NRIP1: variants seen among roughly 807,000 people sequenced by gnomAD.
NRIP1 encodes the protein nuclear receptor-interacting protein 1.
Under a neutral mutation model 75.0 loss-of-function variants are expected in NRIP1, and 28 were observed. That is an observed-to-expected ratio of 0.37 (90% CI 0.28 to 0.51). The LOEUF (loss-of-function observed/expected upper bound fraction) is 0.51, where lower values mean the gene tolerates loss of function less well. Ranked by LOEUF, NRIP1 falls within the 20% of genes least tolerant of loss-of-function variation. The pLI is 0.92. For missense variants in NRIP1, 1,435 were observed against 1,343.7 expected (o/e 1.07, Z -1.06); for synonymous variants, 526 against 487.6 (o/e 1.08, Z -1.04).
chr21:15,003,862 G>T (rs1026405812), intron 3 of NRIP1, among the ~76,000 whole-genome samples: 1 of 152,160 alleles, frequency 6.6e-6, no homozygotes, highest in Admixed American at 6.5e-5. Flanking sequence ...ACAAATCGAT[G>T]AATTAGGACA....
At chr21:14,979,805 C>T (rs969828206) in intron 3 of NRIP1, among the ~76,000 whole-genome samples, 15 of 152,070 alleles carry the variant, frequency 9.9e-5, no homozygotes, top group African/African-American at 3.4e-4. Context: ...TGAGCCACTG[C>T]ACCCGGCCAG....
chr21:14,972,647 G>C (rs551647932), intron 3 of NRIP1, among the ~76,000 whole-genome samples: 1 of 152,244 alleles, frequency 6.6e-6, no homozygotes, highest in Non-Finnish European at 1.5e-5. Flanking sequence ...TTAATAATTA[G>C]GTTTCTTTAG....
At chr21:15,035,632 C>T (rs1274999037) in intron 2 of NRIP1, among the ~76,000 whole-genome samples, 1 of 150,672 alleles carries the variant, frequency 6.6e-6, no homozygotes, top group Non-Finnish European at 1.5e-5. Context: ...TCTCGGCTCA[C>T]TGCAACTTCC....
intron 2 of NRIP1, among the ~76,000 whole-genome samples, chr21:15,036,481 C>T (rs1055828284): frequency 3.9e-5 from 6 of 152,048 alleles, no homozygotes; most frequent in African/African-American, 1.4e-4. Context: ...TTTGCTTATG[C>T]TGCTGATTCT....
At chr21:15,006,799 T>C (rs952469833) in intron 3 of NRIP1, among the ~76,000 whole-genome samples, 9 of 152,102 alleles carry the variant, frequency 5.9e-5, no homozygotes, top group African/African-American at 2.2e-4. Flanking sequence ...GAGTGCACAG[T>C]GCCGGTGATT....
rs184482090 is a variant in NRIP1, at chr21:14,986,208, A to G, written c.-334-17682T>C. Reference sequence around the variant, plus strand: ...CTGTATTTGTTGAAGAGCTTCAAGTATGAATGTTCAATGAATATGGCTAAA... The same window carrying G: ...CTGTATTTGTTGAAGAGCTTCAAGTGTGAATGTTCAATGAATATGGCTAAA... On this transcript the variant is annotated intron_variant, in intron 3 of 3. Transcript: ENST00000318948. Among the ~76,000 whole-genome samples the G allele has an allele frequency of 1.1e-3, 172 of 152,352 alleles. 1 individual carries two copies. Among genetic ancestry groups the G allele is most frequent in the Non-Finnish European group, 3.2e-4 (22 of 68,026 alleles).
At chr21:14,977,481 C>T (rs2087105374) in intron 3 of NRIP1, among the ~76,000 whole-genome samples, 1 of 152,124 alleles carries the variant, frequency 6.6e-6, no homozygotes, top group African/African-American at 2.4e-5. Flanking sequence ...AAACCCAACA[C>T]TTAATTTCAC....
intron 2 of NRIP1, among the ~76,000 whole-genome samples, chr21:15,016,385 C>A (rs2088229303): frequency 6.6e-6 from 1 of 152,006 alleles, no homozygotes; most frequent in African/African-American, 2.4e-5. Context: ...GTGGTAGGGA[C>A]CTCGGGAATT....
chr21:15,010,093 C>T (rs144845680), intron 3 of NRIP1, among the ~76,000 whole-genome samples: 7 of 152,132 alleles, frequency 4.6e-5, no homozygotes, highest in South Asian at 4.1e-4. Flanking sequence ...AGGAAGCAAG[C>T]GAGGTTTGAA....
intron 1 of NRIP1, among the ~76,000 whole-genome samples, chr21:15,063,774 T>C (rs988541069): frequency 4.6e-5 from 7 of 152,198 alleles, no homozygotes; most frequent in African/African-American, 1.7e-4. Context: ...CAAAGTAAAA[T>C]GTGCCATTAA....
At chr21:14,989,091 G>T (rs922563718) in intron 3 of NRIP1, among the ~76,000 whole-genome samples, 3 of 152,130 alleles carry the variant, frequency 2.0e-5, no homozygotes, top group Non-Finnish European at 4.4e-5. Context: ...TTGTTGAGGG[G>T]CTTCTGTTCC....
At position 14,995,728 on chromosome 21, in the gene NRIP1, T is replaced by C. The variant is rs542983022; in HGVS notation, c.-335+18616A>G. ...AGAGACTATTTTTAATGTAAATTTG[T>C]CTGACAACTGTTGTGATAACTGGTT... On this transcript the variant is annotated intron_variant, in intron 3 of 3. Coordinates refer to ENST00000318948, the MANE Select transcript of NRIP1 (RefSeq NM_003489.4). Among the ~76,000 whole-genome samples, 52 of 152,270 alleles carry C rather than the reference T, an allele frequency of 3.4e-4. 1 individual carries two copies. In the South Asian group the frequency reaches 6.6e-3, roughly 19 times the overall value.
intron 3 of NRIP1, among the ~76,000 whole-genome samples, chr21:15,004,294 T>A (rs1197752617): frequency 6.6e-6 from 1 of 152,240 alleles, no homozygotes; most frequent in Non-Finnish European, 1.5e-5. Context: ...CAACTGGGTA[T>A]AAATTCTGAG....
At chr21:15,016,302 C>T (rs1028178312) in intron 2 of NRIP1, among the ~76,000 whole-genome samples, 5 of 152,038 alleles carry the variant, frequency 3.3e-5, no homozygotes, top group African/African-American at 1.2e-4. Flanking sequence ...TTATATATAC[C>T]TAGAAGGATG....
At chr21:15,015,473 T>A (rs1392863529) in intron 2 of NRIP1, among the ~76,000 whole-genome samples, 1 of 152,160 alleles carries the variant, frequency 6.6e-6, no homozygotes, top group Admixed American at 6.5e-5. Context: ...ATGTCTAAGA[T>A]TTATCCTAAT....
intron 2 of NRIP1, among the ~76,000 whole-genome samples, chr21:15,021,654 G>A (rs2088378632): frequency 6.6e-6 from 1 of 152,060 alleles, no homozygotes; most frequent in South Asian, 2.1e-4. Context: ...CCGATGTGCT[G>A]ACAAAGGTCT....
intron 1 of NRIP1, among the ~76,000 whole-genome samples, chr21:15,052,703 C>T (rs1350924678): frequency 1.3e-5 from 2 of 152,134 alleles, no homozygotes; most frequent in East Asian, 1.9e-4. Flanking sequence ...TGAATTGCTG[C>T]TCACATTTAC....
At chr21:15,019,981 A>T (rs2088333012) in intron 2 of NRIP1, among the ~76,000 whole-genome samples, 1 of 152,164 alleles carries the variant, frequency 6.6e-6, no homozygotes, top group Non-Finnish European at 1.5e-5. Context: ...TGTTGAGGGA[A>T]ATTAAAGAAG....
At chr21:14,987,771 T>C (rs1055228043) in intron 3 of NRIP1, among the ~76,000 whole-genome samples, 1 of 152,072 alleles carries the variant, frequency 6.6e-6, no homozygotes, top group Non-Finnish European at 1.5e-5. Flanking sequence ...TAGGATAGAG[T>C]TGTCTTTGAT....
Sources: gnomAD v4.1 joint callset for allele counts (sites outside exome capture counted in the v4.1 genomes callset) on GRCh38, gnomAD v4.1.1 for gene constraint, MANE v1.5 for transcripts, NCBI Gene and HGNC (gene_info 2026-07-23, HGNC 2026-07-21) for gene names.